The following FAM83B variants were observed in gnomAD, a reference collection of about 807,000 sequenced individuals.
FAM83B encodes the protein scaffolding CK1 anchoring protein B.
Under a neutral mutation model 38.8 loss-of-function variants are expected in FAM83B, and 26 were observed. That is an observed-to-expected ratio of 0.67 (90% CI 0.49 to 0.93). FAM83B has a LOEUF of 0.93. Ranked by LOEUF, FAM83B falls within the 40% of genes least tolerant of loss-of-function variation. The probability of loss-of-function intolerance (pLI) is 0.00; values close to 1 mark genes in which losing one functional copy is unlikely to be tolerated. For missense variants in FAM83B, 1,237 were observed against 1,197.3 expected (o/e 1.03, Z -0.49); for synonymous variants, 419 against 423.1 (o/e 0.99, Z 0.12).
intron 1 of FAM83B, among the ~76,000 whole-genome samples, chr6:54,849,463 C>T (rs7748302): frequency 1.4e-5 from 2 of 138,680 alleles, no homozygotes; most frequent in South Asian, 4.6e-4. Flanking sequence ...GGGCTGTATG[C>T]TGGGGAGGAG....
At chr6:54,848,337 C>T in intron 1 of FAM83B, among the ~76,000 whole-genome samples, 1 of 152,120 alleles carries the variant, frequency 6.6e-6, no homozygotes, top group Non-Finnish European at 1.5e-5. Flanking sequence ...CTGGCTACAC[C>T]CTCTAGAGCC....
intron 4 of FAM83B, among the ~76,000 whole-genome samples, chr6:54,930,786 G>A (rs142231273): frequency 8.6e-5 from 13 of 151,700 alleles, no homozygotes; most frequent in East Asian, 3.9e-4. Flanking sequence ...AGGTTGTTGC[G>A]TGAGATCTTT....
At chr6:54,939,411 T>C (rs1242852030) in intron 4 of FAM83B, among the ~76,000 whole-genome samples, 1 of 152,130 alleles carries the variant, frequency 6.6e-6, no homozygotes. Flanking sequence ...GATGATGGTA[T>C]TTTGATGGGA....
At chr6:54,894,948 G>C (rs1198702416) in intron 2 of FAM83B, among the ~76,000 whole-genome samples, 4 of 152,174 alleles carry the variant, frequency 2.6e-5, no homozygotes, top group African/African-American at 9.7e-5. Flanking sequence ...ATGCCTCAAA[G>C]AGTCTTTCAT....
At chr6:54,923,089 A>C (rs1773206605) in intron 2 of FAM83B, among the ~76,000 whole-genome samples, 1 of 152,082 alleles carries the variant, frequency 6.6e-6, no homozygotes, top group Non-Finnish European at 1.5e-5. Context: ...ACAACCAACT[A>C]GCTTCAACAA....
chr6:54,906,873 T>C (rs1045953538), intron 2 of FAM83B, among the ~76,000 whole-genome samples: 6 of 152,184 alleles, frequency 3.9e-5, no homozygotes, highest in Non-Finnish European at 7.4e-5. Context: ...ACTGAAATAA[T>C]ATATTCACAG....
chr6:54,903,179 T>C (rs1772700847), intron 2 of FAM83B, among the ~76,000 whole-genome samples: 1 of 152,242 alleles, frequency 6.6e-6, no homozygotes, highest in Non-Finnish European at 1.5e-5. Flanking sequence ...TATATACGTG[T>C]ACCATAATTG....
intron 2 of FAM83B, among the ~76,000 whole-genome samples, chr6:54,916,752 A>G (rs571979731): frequency 1.3e-5 from 2 of 152,286 alleles, no homozygotes; most frequent in South Asian, 2.1e-4. Flanking sequence ...TCTCTTCTGG[A>G]TAGTACACAG....
chr6:54,862,878 C>A (rs374565470), intron 1 of FAM83B, among the ~76,000 whole-genome samples: 38 of 150,188 alleles, frequency 2.5e-4, no homozygotes, highest in Middle Eastern at 6.8e-3. Context: ...AACCCCCCCC[C>A]AAAAAAACCA....
intron 2 of FAM83B, among the ~76,000 whole-genome samples, chr6:54,871,451 G>A (rs986012024): frequency 1.3e-5 from 2 of 151,464 alleles, no homozygotes; most frequent in Admixed American, 1.3e-4. Context: ...GGGCGTGGTG[G>A]CTCACACCTG....
intron 4 of FAM83B, among the ~76,000 whole-genome samples, chr6:54,929,351 G>A (rs1008714147): frequency 1.3e-5 from 2 of 151,960 alleles, no homozygotes; most frequent in African/African-American, 4.8e-5. Context: ...CTTTAATTCA[G>A]TATTCTTTGC....
At chr6:54,928,240 G>A (rs1773349105) in intron 4 of FAM83B, among the ~76,000 whole-genome samples, 1 of 152,072 alleles carries the variant, frequency 6.6e-6, no homozygotes, top group Non-Finnish European at 1.5e-5. Context: ...ACTGAGGCAG[G>A]GTAGAGTCAT....
At chr6:54,875,664 G>T (rs184360363) in intron 2 of FAM83B, among the ~76,000 whole-genome samples, 182 of 151,898 alleles carry the variant, frequency 1.2e-3, no homozygotes, top group African/African-American at 4.2e-3. Flanking sequence ...AAGAAGAGAC[G>T]GAGGGGAAGA....
intron 4 of FAM83B, among the ~76,000 whole-genome samples, chr6:54,928,952 T>A (rs1165660455): frequency 1.3e-5 from 2 of 152,080 alleles, no homozygotes; most frequent in Admixed American, 1.3e-4. Context: ...GACAAAAAAA[T>A]TATATATCTC....
Position 54,941,446 on chromosome 6 carries a change from T to C in FAM83B, c.2475T>C (p.Asp825=). The C allele has an allele frequency of 6.2e-7, 1 of 1,613,078 alleles. No individual in the cohort carries two copies. Among genetic ancestry groups the C allele is most frequent in the South Asian group, 1.1e-5 (1 of 90,788 alleles). Residue 825 remains aspartate (D), a synonymous_variant, in exon 5 of 5, where the codon GAT becomes GAC. Transcript: ENST00000306858. ...QKPKKSDTKV[D]SSPRRKHSSS... ...CAAAGAAATCAGACACAAAAGTTGA[T>C]TCATCTCCTAGAAGAAAGCATTCTT...
chr6:54,883,298 T>C (rs1163385112), intron 2 of FAM83B, among the ~76,000 whole-genome samples: 2 of 150,926 alleles, frequency 1.3e-5, no homozygotes, highest in Non-Finnish European at 2.9e-5. Context: ...CATTTTCTCA[T>C]AGGACCCATG....
At position 54,945,076 on chromosome 6, in the gene FAM83B, T is replaced by A. The variant is rs1773772730; in HGVS notation, c.*3069T>A. The A allele has an allele frequency of 6.6e-6, 1 of 152,176 alleles. No homozygotes were observed. Among genetic ancestry groups the A allele is most frequent in the Admixed American group, 6.5e-5 (1 of 15,284 alleles). 9.4% of individuals were successfully genotyped at this position (152,176 alleles called of 1,614,324 possible). On this transcript the variant is annotated 3_prime_UTR_variant, in exon 5 of 5. Transcript: ENST00000306858. Reference sequence around the variant, plus strand: ...TGTTTTTAGATCAATAAATGAATAATAAATAATTTTGTACAAACATCAATA... The same window carrying A: ...TGTTTTTAGATCAATAAATGAATAAAAAATAATTTTGTACAAACATCAATA...
chr6:54,864,507 T>C (rs1046675217), intron 1 of FAM83B, among the ~76,000 whole-genome samples: 2 of 152,192 alleles, frequency 1.3e-5, no homozygotes, highest in African/African-American at 4.8e-5. Context: ...GCCGTGCAGA[T>C]GACTGTAATC....
intron 2 of FAM83B, among the ~76,000 whole-genome samples, chr6:54,907,826 C>T (rs923390126): frequency 7.9e-5 from 12 of 151,974 alleles, no homozygotes; most frequent in Non-Finnish European, 1.5e-4. Context: ...AAAGCTAATA[C>T]ATTTTTTATA....
Sources: gnomAD v4.1 joint callset for allele counts (sites outside exome capture counted in the v4.1 genomes callset) on GRCh38, gnomAD v4.1.1 for gene constraint, MANE v1.5 for transcripts, NCBI Gene and HGNC (gene_info 2026-07-23, HGNC 2026-07-21) for gene names.